APLF: variants seen among roughly 807,000 people sequenced by gnomAD.
APLF encodes the protein aprataxin and PNK-like factor.
Under a neutral mutation model 55.6 loss-of-function variants are expected in APLF, and 61 were observed. The observed-to-expected ratio is 1.10, with a 90% CI of 0.89 to 1.36. The LOEUF is 1.36. Among genes scored for constraint, APLF ranks in the 40% most tolerant of loss-of-function variants. The pLI is 0.00. For synonymous variants in APLF, 207 were observed against 214.8 expected, an observed-to-expected ratio of 0.96 and a Z score of 0.32; for missense variants, 611 against 602.5, an observed-to-expected ratio of 1.01 and a Z score of -0.15.
intron 1 of APLF, among the ~76,000 whole-genome samples, chr2:68,481,446 G>C (rs1675955140): frequency 6.6e-6 from 1 of 152,066 alleles, no homozygotes; most frequent in Non-Finnish European, 1.5e-5. Flanking sequence ...TTCTCAGCCT[G>C]TAAGGTTTCT....
intron 6 of APLF, among the ~76,000 whole-genome samples, chr2:68,526,638 G>A (rs1670061164): frequency 6.6e-6 from 1 of 152,236 alleles, no homozygotes; most frequent in Non-Finnish European, 1.5e-5. Flanking sequence ...TGATTGAAGA[G>A]TGGCAACCAG....
At chr2:68,568,698 A>C (rs959674759) in intron 9 of APLF, among the ~76,000 whole-genome samples, 1 of 152,178 alleles carries the variant, frequency 6.6e-6, no homozygotes, top group African/African-American at 2.4e-5. Context: ...AACTATGACT[A>C]CACATCATAT....
intron 3 of APLF, among the ~76,000 whole-genome samples, chr2:68,507,246 C>G (rs11891556): frequency 0.011 from 1,713 of 151,870 alleles, 36 homozygotes; most frequent in African/African-American, 0.039. Flanking sequence ...AGCTTATATG[C>G]TTTGTAGAAG....
At chr2:68,495,438 G>T (rs1676515205) in intron 2 of APLF, among the ~76,000 whole-genome samples, 1 of 152,226 alleles carries the variant, frequency 6.6e-6, no homozygotes, top group Non-Finnish European at 1.5e-5. Context: ...CTTTGACTCT[G>T]TGTCCATATC....
chr2:68,501,022 A>G (rs1406079618), intron 2 of APLF, among the ~76,000 whole-genome samples: 4 of 152,222 alleles, frequency 2.6e-5, no homozygotes, highest in Admixed American at 1.3e-4. Context: ...TTTTAGGAAT[A>G]CAATATTGCA....
intron 5 of APLF, among the ~76,000 whole-genome samples, chr2:68,518,306 A>C (rs1295417877): frequency 8.8e-6 from 1 of 114,270 alleles, no homozygotes; most frequent in Non-Finnish European, 1.6e-5. Context: ...AATATATTAT[A>C]TATTATTTAA....
chr2:68,555,967 A>G (rs1275858488), intron 8 of APLF, among the ~76,000 whole-genome samples: 1 of 152,166 alleles, frequency 6.6e-6, no homozygotes, highest in Non-Finnish European at 1.5e-5. Flanking sequence ...GCGCATCAAT[A>G]AACGAGTGGA....
chr2:68,512,656 C>T (rs1040847817), intron 3 of APLF, among the ~76,000 whole-genome samples: 2 of 151,892 alleles, frequency 1.3e-5, no homozygotes, highest in South Asian at 2.1e-4. Flanking sequence ...ACTTCAGTAG[C>T]AGTTATGTGT....
At chr2:68,485,553 G>C (rs1036168146) in intron 1 of APLF, among the ~76,000 whole-genome samples, 1 of 152,106 alleles carries the variant, frequency 6.6e-6, no homozygotes, top group African/African-American at 2.4e-5. Context: ...GTGATACTGA[G>C]ACTTCATGAA....
intron 8 of APLF, among the ~76,000 whole-genome samples, chr2:68,552,701 A>G (rs1670898972): frequency 6.6e-6 from 1 of 152,162 alleles, no homozygotes; most frequent in Admixed American, 6.6e-5. Context: ...TAGGATAGTA[A>G]TGTCAAAAAT....
At chr2:68,491,526 A>G (rs1425303959) in intron 2 of APLF, among the ~76,000 whole-genome samples, 2 of 152,202 alleles carry the variant, frequency 1.3e-5, no homozygotes, top group Non-Finnish European at 2.9e-5. Flanking sequence ...CCCAATTTCT[A>G]ATACCCTGCC....
intron 9 of APLF, among the ~76,000 whole-genome samples, chr2:68,575,684 C>G (rs1298392015): frequency 1.3e-5 from 2 of 151,274 alleles, no homozygotes; most frequent in African/African-American, 4.9e-5. Flanking sequence ...TAAAGGATGA[C>G]TACAAGATTT....
chr2:68,560,000 A>G (rs1329089387), intron 8 of APLF, among the ~76,000 whole-genome samples: 1 of 151,954 alleles, frequency 6.6e-6, no homozygotes, highest in Admixed American at 6.6e-5. Context: ...CCAATATCCT[A>G]GCTTGTTTTC....
intron 3 of APLF, among the ~76,000 whole-genome samples, chr2:68,507,374 T>G (rs539708915): frequency 1.3e-4 from 20 of 152,088 alleles, no homozygotes; most frequent in East Asian, 1.2e-3. Flanking sequence ...TTCCTTTTAC[T>G]CACATTAAAA....
chr2:68,496,713 G>C (rs1676560218), intron 2 of APLF, among the ~76,000 whole-genome samples: 1 of 152,056 alleles, frequency 6.6e-6, no homozygotes, highest in Admixed American at 6.6e-5. Context: ...AGATCCCTAG[G>C]GTGTGAACCA....
chr2:68,563,347 ACTT>A, intron 8 of APLF: 1 of 982,956 alleles, frequency 1.0e-6, no homozygotes, highest in Non-Finnish European at 1.2e-6. Flanking sequence ...TAAATGTAAC[ACTT>A]CTTTCATAGT....
chr2:68,513,375 G>A (rs543266642), intron 4 of APLF, 148 bp downstream of exon 4: 1 of 1,245,498 alleles, frequency 8.0e-7, no homozygotes, highest in Non-Finnish European at 1.1e-6. Context: ...AGAGAATATG[G>A]CAGTAATCCA....
chr2:68,492,877 T>C (rs184247304), intron 2 of APLF, among the ~76,000 whole-genome samples: 127 of 152,324 alleles, frequency 8.3e-4, no homozygotes, highest in African/African-American at 3.0e-3. Context: ...TGTAATTTTG[T>C]AAACTTTCCC....
chr2:68,513,912 TATGTGCTAGA>T (rs1669492107), intron 5 of APLF, among the ~76,000 whole-genome samples: 1 of 151,740 alleles, frequency 6.6e-6, no homozygotes, highest in South Asian at 2.1e-4. Flanking sequence ...CAAGTGCTAT[TATGTGCTAGA>T]ATTATATTAA....
Sources: allele counts gnomAD v4.1 joint callset (sites outside exome capture counted in the v4.1 genomes callset), GRCh38; gene constraint gnomAD v4.1.1; transcripts MANE v1.5; gene names NCBI Gene and HGNC (gene_info 2026-07-23, HGNC 2026-07-21).